SNTG1: variants seen among roughly 807,000 people sequenced by gnomAD.
SNTG1 encodes gamma-1-syntrophin.
Under a neutral mutation model 74.7 loss-of-function variants are expected in SNTG1, and 39 were observed. The ratio of observed to expected loss-of-function variants is 0.52; its 90% CI spans 0.40 to 0.68. The LOEUF is 0.68. Ranked by LOEUF, SNTG1 falls within the 30% of genes least tolerant of loss-of-function variation. The probability of loss-of-function intolerance (pLI) is 0.00; values close to 1 mark genes in which losing one functional copy is unlikely to be tolerated. For synonymous variants in SNTG1, 254 were observed against 217.1 expected (o/e 1.17, Z -1.49); for missense variants, 685 against 609.5 (o/e 1.12, Z -1.30).
At chr8:50,161,285 G>A (rs901976597) in intron 1 of SNTG1, among the ~76,000 whole-genome samples, 16 of 152,180 alleles carry the variant, frequency 1.1e-4, no homozygotes, top group Admixed American at 3.3e-4. Flanking sequence ...GGAAATCTAA[G>A]CAAGGAAAAG....
chr8:50,439,559 CT>C (rs2093338415), intron 5 of SNTG1, among the ~76,000 whole-genome samples: 1 of 152,022 alleles, frequency 6.6e-6, no homozygotes, highest in Non-Finnish European at 1.5e-5. Flanking sequence ...ATAAAGAGCA[CT>C]AGCTTCAAAA....
chr8:50,287,575 C>T lies in SNTG1; in HGVS notation c.-27-106637C>T, dbSNP rs144981709. Among the ~76,000 whole-genome samples, 93 of 152,288 alleles carry T rather than the reference C, an allele frequency of 6.1e-4. 1 individual carries two copies. Among genetic ancestry groups the T allele is most frequent in the African/African-American group, 1.6e-3 (67 of 41,572 alleles). On this transcript the variant is annotated intron_variant, in intron 2 of 18. Transcript: ENST00000642720. Reference sequence around the variant, plus strand: ...GATGCCCAAATCCTTTAGCAGTAGCCTGAATTGCAGTTCTGTGGTCGGTTA... The same window carrying T: ...GATGCCCAAATCCTTTAGCAGTAGCTTGAATTGCAGTTCTGTGGTCGGTTA...
chr8:50,512,505 G>C (rs928789504), intron 9 of SNTG1, among the ~76,000 whole-genome samples: 6 of 152,190 alleles, frequency 3.9e-5, no homozygotes, highest in African/African-American at 1.4e-4. Context: ...ATATCCTGCA[G>C]AGTGTTTTCC....
At chr8:50,195,505 C>T (rs1235905886) in intron 2 of SNTG1, among the ~76,000 whole-genome samples, 3 of 152,170 alleles carry the variant, frequency 2.0e-5, no homozygotes, top group Non-Finnish European at 4.4e-5. Context: ...TAGAGATTTC[C>T]TTCTCCCTGT....
intron 12 of SNTG1, among the ~76,000 whole-genome samples, chr8:50,567,928 A>G (rs2094525161): frequency 6.6e-6 from 1 of 152,098 alleles, no homozygotes; most frequent in Non-Finnish European, 1.5e-5. Context: ...ACCCTACTAT[A>G]TAATAGAGCA....
intron 15 of SNTG1, among the ~76,000 whole-genome samples, chr8:50,675,428 C>T (rs1415091630): frequency 6.6e-6 from 1 of 151,794 alleles, no homozygotes; most frequent in Non-Finnish European, 1.5e-5. Flanking sequence ...TCTTCTTTGT[C>T]TTTTTAAATC....
intron 1 of SNTG1, among the ~76,000 whole-genome samples, chr8:49,977,957 G>A (rs1333738616): frequency 6.6e-6 from 1 of 152,192 alleles, no homozygotes; most frequent in Non-Finnish European, 1.5e-5. Flanking sequence ...TATCCTTGGA[G>A]CCTCAGTTTT....
chr8:50,385,850 G>A (rs2092566344), intron 2 of SNTG1, among the ~76,000 whole-genome samples: 2 of 152,160 alleles, frequency 1.3e-5, no homozygotes, highest in South Asian at 4.1e-4. Flanking sequence ...GTCACCACCT[G>A]GCTAAGCTTG....
At chr8:50,693,979 T>C (rs929282751) in intron 15 of SNTG1, among the ~76,000 whole-genome samples, 2 of 152,110 alleles carry the variant, frequency 1.3e-5, no homozygotes, top group Admixed American at 1.3e-4. Context: ...GGGAAGTTTA[T>C]ATCAACAACC....
At chr8:50,744,122 C>T (rs2095549942) in intron 17 of SNTG1, among the ~76,000 whole-genome samples, 1 of 151,974 alleles carries the variant, frequency 6.6e-6, no homozygotes, top group African/African-American at 2.4e-5. Context: ...TCCTATAAGG[C>T]CCCTTTCCAA....
intron 4 of SNTG1, among the ~76,000 whole-genome samples, chr8:50,416,737 G>A (rs1312683254): frequency 6.6e-6 from 1 of 151,980 alleles, no homozygotes. Flanking sequence ...CTGTATCATT[G>A]CCTTTTTCCA....
chr8:50,430,527 T>G (rs1314175042), intron 4 of SNTG1, among the ~76,000 whole-genome samples: 1 of 152,186 alleles, frequency 6.6e-6, no homozygotes, highest in African/African-American at 2.4e-5. Flanking sequence ...TTAACCTGTA[T>G]GTACTGTGAA....
intron 1 of SNTG1, among the ~76,000 whole-genome samples, chr8:50,085,681 T>C (rs924856236): frequency 3.3e-5 from 5 of 152,212 alleles, no homozygotes; most frequent in African/African-American, 9.6e-5. Context: ...TATAAAGTAA[T>C]CCTGACCTGG....
intron 2 of SNTG1, among the ~76,000 whole-genome samples, chr8:50,354,529 T>A (rs1448303867): frequency 6.6e-6 from 1 of 152,212 alleles, no homozygotes; most frequent in Admixed American, 6.5e-5. Context: ...TTGTTTCATG[T>A]TGCCCTAAAA....
At chr8:50,513,948 A>G (rs1014800214) in intron 9 of SNTG1, among the ~76,000 whole-genome samples, 3 of 152,000 alleles carry the variant, frequency 2.0e-5, no homozygotes, top group South Asian at 2.1e-4. Flanking sequence ...ACATTCCCCA[A>G]TGAGATGAAC....
intron 8 of SNTG1, chr8:50,491,222 A>C (rs2093850119): frequency 6.6e-6 from 1 of 152,330 alleles, no homozygotes. Context: ...CCAACAATTC[A>C]GTATTTTGAA....
chr8:50,181,848 TA>T (rs1483531735), intron 2 of SNTG1, among the ~76,000 whole-genome samples: 1 of 152,076 alleles, frequency 6.6e-6, no homozygotes, highest in Non-Finnish European at 1.5e-5. Flanking sequence ...TCTTAATATG[TA>T]GAAAAAATAA....
At chr8:50,094,046 G>A (rs1021403536) in intron 1 of SNTG1, among the ~76,000 whole-genome samples, 4 of 152,148 alleles carry the variant, frequency 2.6e-5, no homozygotes, top group African/African-American at 9.7e-5. Flanking sequence ...GTTGGAGTAT[G>A]AGGCAGTATG....
chr8:49,932,406 A>G (rs1807675139), intron 1 of SNTG1, among the ~76,000 whole-genome samples: 1 of 152,266 alleles, frequency 6.6e-6, no homozygotes, highest in East Asian at 1.9e-4. Context: ...GTGAACACAT[A>G]TAATATCTTC....
Sources: allele counts gnomAD v4.1 joint callset (sites outside exome capture counted in the v4.1 genomes callset), GRCh38; gene constraint gnomAD v4.1.1; transcripts MANE v1.5; gene names NCBI Gene and HGNC (gene_info 2026-07-23, HGNC 2026-07-21).